Variants in CHRM3 observed in about 807,000 individuals in gnomAD.
CHRM3 encodes the protein muscarinic acetylcholine receptor M3.
Under a neutral mutation model 41.8 loss-of-function variants are expected in CHRM3, and 11 were observed. The observed-to-expected ratio is 0.26, with a 90% CI of 0.17 to 0.44. The LOEUF (loss-of-function observed/expected upper bound fraction) is 0.44, where lower values mean the gene tolerates loss of function less well. Among genes scored for constraint, CHRM3 ranks in the 20% least tolerant of loss-of-function variants. The pLI is 1.00. For synonymous variants in CHRM3, 297 were observed against 301.4 expected (o/e 0.99, Z 0.15); for missense variants, 571 against 745.4 (o/e 0.77, Z 2.72).
At position 239,648,602 on chromosome 1, in the gene CHRM3, CAAA is replaced by C. The variant is rs533981317; in HGVS notation, c.-250+16318_-250+16320del. Among the ~76,000 whole-genome samples the C allele has an allele frequency of 1.5e-3, 225 of 152,076 alleles. 1 individual carries two copies. The highest frequency in any genetic ancestry group is 3.4e-3 in the Middle Eastern group (1 of 294). Reference sequence around the variant, plus strand: ...AGGGGGAATTCTGGAGAGGAGCGAGCAAAAGGGAATATGGTGATTTCAAGGATA... The same window carrying C: ...AGGGGGAATTCTGGAGAGGAGCGAGCAGGGAATATGGTGATTTCAAGGATA... On this transcript the variant is annotated intron_variant, in intron 4 of 6. Coordinates refer to ENST00000676153, the MANE Select transcript of CHRM3 (RefSeq NM_001375978.1).
At chr1:239,645,338 C>T (rs546588878) in intron 4 of CHRM3, among the ~76,000 whole-genome samples, 4 of 152,240 alleles carry the variant, frequency 2.6e-5, no homozygotes, top group Admixed American at 6.5e-5. Flanking sequence ...TAGTTAGGTT[C>T]GAAATGGCAC....
chr1:239,676,808 G>A (rs1017722481), intron 4 of CHRM3, among the ~76,000 whole-genome samples: 4 of 152,186 alleles, frequency 2.6e-5, no homozygotes, highest in Admixed American at 1.3e-4. Context: ...ATTTCGGGAC[G>A]AGTTTCAAAT....
At chr1:239,524,739 C>A (rs989962765) in intron 2 of CHRM3, among the ~76,000 whole-genome samples, 1 of 152,224 alleles carries the variant, frequency 6.6e-6, no homozygotes, top group African/African-American at 2.4e-5. Context: ...TAAGTGAATT[C>A]TTTGAGCTGC....
At chr1:239,832,156 C>A (rs955659220) in intron 6 of CHRM3, among the ~76,000 whole-genome samples, 3 of 152,174 alleles carry the variant, frequency 2.0e-5, no homozygotes, top group African/African-American at 7.2e-5. Context: ...TGCACTGTCC[C>A]TCCATTGTAC....
chr1:239,678,717 CTG>C (rs767143506), intron 5 of CHRM3, among the ~76,000 whole-genome samples: 8 of 152,116 alleles, frequency 5.3e-5, no homozygotes, highest in Non-Finnish European at 1.0e-4. Flanking sequence ...TTAGAGAAAA[CTG>C]TGTAACAACT....
chr1:239,810,413 G>A (rs568172539), intron 5 of CHRM3, among the ~76,000 whole-genome samples: 6 of 152,162 alleles, frequency 3.9e-5, no homozygotes, highest in African/African-American at 1.4e-4. Flanking sequence ...TCTTCTCAGG[G>A]ATGAGGATAG....
At chr1:239,772,388 T>A (rs540384781) in intron 5 of CHRM3, among the ~76,000 whole-genome samples, 12 of 152,168 alleles carry the variant, frequency 7.9e-5, no homozygotes, top group Non-Finnish European at 1.5e-4. Context: ...TGACCTCAGG[T>A]GATCCGGCCA....
chr1:239,490,649 A>G (rs61834727), intron 1 of CHRM3, among the ~76,000 whole-genome samples: 1,941 of 152,218 alleles, frequency 0.013, 15 homozygotes, highest in Admixed American at 0.022. Context: ...GCAGTCTGGA[A>G]CTACTGGCCT....
intron 1 of CHRM3, among the ~76,000 whole-genome samples, chr1:239,424,912 G>A (rs546587558): frequency 2.0e-5 from 3 of 152,306 alleles, no homozygotes; most frequent in Non-Finnish European, 2.9e-5. Context: ...TGGTGTAGGG[G>A]TTCAGCAATC....
chr1:239,413,841 G>C (rs1400058105), intron 1 of CHRM3, among the ~76,000 whole-genome samples: 1 of 151,558 alleles, frequency 6.6e-6, no homozygotes, highest in Non-Finnish European at 1.5e-5. Flanking sequence ...ATATGTGCAC[G>C]TTTTTTTAAA....
intron 5 of CHRM3, among the ~76,000 whole-genome samples, chr1:239,780,236 C>A (rs1025835518): frequency 6.6e-6 from 1 of 152,148 alleles, no homozygotes. Context: ...TGCCATTTTG[C>A]GTTCCTGTTG....
At chr1:239,529,875 T>C (rs934336663) in intron 2 of CHRM3, among the ~76,000 whole-genome samples, 1 of 152,034 alleles carries the variant, frequency 6.6e-6, no homozygotes. Flanking sequence ...ACGAGAACTC[T>C]TCAACTCCAC....
chr1:239,752,163 G>C (rs1400934733), intron 5 of CHRM3, among the ~76,000 whole-genome samples: 2 of 152,182 alleles, frequency 1.3e-5, no homozygotes, highest in African/African-American at 2.4e-5. Flanking sequence ...AAAGAATATG[G>C]AGGAGCAAAT....
intron 3 of CHRM3, among the ~76,000 whole-genome samples, chr1:239,569,092 C>A (rs1181901726): frequency 1.3e-5 from 2 of 152,136 alleles, no homozygotes; most frequent in Non-Finnish European, 1.5e-5. Context: ...CTTTTACAAT[C>A]ACATTATCCC....
At chr1:239,819,380 G>A (rs1328430123) in intron 5 of CHRM3, among the ~76,000 whole-genome samples, 1 of 152,138 alleles carries the variant, frequency 6.6e-6, no homozygotes, top group Non-Finnish European at 1.5e-5. Context: ...TGTTTCTTCC[G>A]ATCAGCTATC....
intron 2 of CHRM3, among the ~76,000 whole-genome samples, chr1:239,542,524 C>T (rs963128601): frequency 6.6e-6 from 1 of 152,090 alleles, no homozygotes; most frequent in East Asian, 1.9e-4. Context: ...ACCTCCCATG[C>T]GACAGGCAGT....
chr1:239,694,456 G>T (rs1452873366), intron 5 of CHRM3, among the ~76,000 whole-genome samples: 1 of 152,172 alleles, frequency 6.6e-6, no homozygotes, highest in Non-Finnish European at 1.5e-5. Flanking sequence ...TTAAAACAAG[G>T]CTTAACGTTC....
intron 2 of CHRM3, among the ~76,000 whole-genome samples, chr1:239,533,313 T>C (rs1390093166): frequency 2.0e-5 from 3 of 152,064 alleles, no homozygotes; most frequent in African/African-American, 7.2e-5. Flanking sequence ...GAAAAGAGGT[T>C]TAATTGACTC....
At chr1:239,805,878 C>G (rs1356079520) in intron 5 of CHRM3, among the ~76,000 whole-genome samples, 1 of 152,082 alleles carries the variant, frequency 6.6e-6, no homozygotes, top group Non-Finnish European at 1.5e-5. Flanking sequence ...CTTGATTTCC[C>G]TTCTTGGTTA....
Sources: allele counts gnomAD v4.1 joint callset (sites outside exome capture counted in the v4.1 genomes callset), GRCh38; gene constraint gnomAD v4.1.1; transcripts MANE v1.5; gene names NCBI Gene and HGNC (gene_info 2026-07-23, HGNC 2026-07-21).